Variants in CEP128 observed in about 807,000 individuals in gnomAD.
CEP128 encodes centrosomal protein 128kDa.
Under a neutral mutation model 156.7 loss-of-function variants are expected in CEP128, and 132 were observed. The observed-to-expected ratio is 0.84, with a 90% CI of 0.73 to 0.97. The LOEUF is 0.97. Ranked by LOEUF, CEP128 falls within the 50% of genes least tolerant of loss-of-function variation. The probability of loss-of-function intolerance (pLI) is 0.00; values close to 1 mark genes in which losing one functional copy is unlikely to be tolerated. For missense variants in CEP128, 1,252 were observed against 1,281.9 expected (o/e 0.98, Z 0.36); for synonymous variants, 469 against 448.9 (o/e 1.04, Z -0.57).
chr14:80,951,847 C>T (rs183140588), intron 2 of CEP128, among the ~76,000 whole-genome samples: 2 of 152,006 alleles, frequency 1.3e-5, no homozygotes, highest in East Asian at 3.9e-4. Context: ...GATGGATTGG[C>T]TCTACCAATA....
chr14:80,922,921 T>G (rs1045628288), intron 2 of CEP128, among the ~76,000 whole-genome samples: 1 of 152,174 alleles, frequency 6.6e-6, no homozygotes, highest in Admixed American at 6.5e-5. Context: ...GAAAAAGCAG[T>G]GAACACTCTT....
chr14:80,912,580 T>A (rs1035195801), intron 4 of CEP128, among the ~76,000 whole-genome samples: 1 of 152,112 alleles, frequency 6.6e-6, no homozygotes, highest in Admixed American at 6.5e-5. Flanking sequence ...TGCCCAAATA[T>A]AACAAAGTCT....
intron 19 of CEP128, among the ~76,000 whole-genome samples, chr14:80,698,917 C>G (rs1341692592): frequency 6.6e-6 from 1 of 151,966 alleles, no homozygotes; most frequent in African/African-American, 2.4e-5. Context: ...TTCTAGATTA[C>G]TAGAGTAGCA....
intron 19 of CEP128, among the ~76,000 whole-genome samples, chr14:80,718,376 A>T (rs1053949455): frequency 1.3e-5 from 2 of 152,200 alleles, no homozygotes; most frequent in Non-Finnish European, 2.9e-5. Context: ...CTCAGAGAAA[A>T]ATTTAAACAA....
At chr14:80,904,666 T>C (rs941571828) in intron 6 of CEP128, 147 bp downstream of exon 6, 2 of 574,032 alleles carry the variant, frequency 3.5e-6, no homozygotes, top group Non-Finnish European at 6.3e-6. Flanking sequence ...AGTCGTTTAC[T>C]TGGTTCCAAA....
At chr14:80,700,465 A>C (rs1001989166) in intron 19 of CEP128, among the ~76,000 whole-genome samples, 1 of 152,230 alleles carries the variant, frequency 6.6e-6, no homozygotes, top group Admixed American at 6.5e-5. Context: ...CAAATAGGAA[A>C]GGGGGGATGG....
chr14:80,747,965 A>C (rs1298443347), intron 18 of CEP128, among the ~76,000 whole-genome samples: 2 of 152,250 alleles, frequency 1.3e-5, no homozygotes, highest in African/African-American at 2.4e-5. Flanking sequence ...ACAATTCTGT[A>C]AATACACTAA....
intron 21 of CEP128, among the ~76,000 whole-genome samples, chr14:80,558,010 C>G (rs1170262693): frequency 1.3e-5 from 2 of 151,782 alleles, no homozygotes; most frequent in African/African-American, 4.8e-5. Context: ...TTTTGAAAAC[C>G]TGACTGTTTA....
intron 18 of CEP128, among the ~76,000 whole-genome samples, chr14:80,743,858 T>TTC (rs138602333): frequency 2.7e-5 from 4 of 150,844 alleles, no homozygotes; most frequent in African/African-American, 7.3e-5. Flanking sequence ...CTTTCTTTCT[T>TTC]TCTCTCTCTC....
chr14:80,725,398 G>A (rs545701760), intron 19 of CEP128, among the ~76,000 whole-genome samples: 1 of 151,958 alleles, frequency 6.6e-6, no homozygotes, highest in Non-Finnish European at 1.5e-5. Flanking sequence ...GGCCAGGCCG[G>A]TCTCGAACTC....
intron 21 of CEP128, among the ~76,000 whole-genome samples, chr14:80,534,642 G>A (rs1158895671): frequency 3.3e-5 from 5 of 151,906 alleles, no homozygotes; most frequent in African/African-American, 9.7e-5. Context: ...TGGTGAACAC[G>A]GTGAAACCCC....
rs749181123 is a variant in CEP128, at chr14:80,785,502, G to A, written c.1604C>T (p.Ala535Val). Residue 535 changes from alanine to valine, a missense_variant, in exon 15 of 25, where the codon GCA (alanine) becomes GTA (valine). Ala to Val is a moderately conservative substitution (Grantham distance 64). Coordinates refer to ENST00000555265, the MANE Select transcript of CEP128 (RefSeq NM_152446.5). ...TCGAAGATTCTCTATTTGTTGTAAT[G>A]CTGCATACAGCTGGGTTTTCAATTC... is the stretch of plus-strand genomic sequence containing the variant. ...KDELKTQLYA[A>V]LQQIENLRKE... 9 of 1,612,930 alleles carry A rather than the reference G, an allele frequency of 5.6e-6. No homozygotes were observed. The highest frequency in any genetic ancestry group is 7.6e-6 in the Non-Finnish European group (9 of 1,179,438).
chr14:80,858,419 G>A (rs112036449), intron 9 of CEP128, among the ~76,000 whole-genome samples: 1,314 of 121,136 alleles, frequency 0.011, 8 homozygotes, highest in Non-Finnish European at 0.017. Context: ...AGACTTAAAC[G>A]TTAGACCTAA....
At chr14:80,525,149 G>C (rs2140259486) in intron 23 of CEP128, among the ~76,000 whole-genome samples, 1 of 152,232 alleles carries the variant, frequency 6.6e-6, no homozygotes, top group East Asian at 1.9e-4. Flanking sequence ...TGAACTAAGA[G>C]GCATGTACTA....
At chr14:80,650,533 A>C (rs1027701645) in intron 19 of CEP128, among the ~76,000 whole-genome samples, 1 of 152,202 alleles carries the variant, frequency 6.6e-6, no homozygotes, top group African/African-American at 2.4e-5. Context: ...TTGCCCATTC[A>C]GTACGATATT....
At chr14:80,821,624 C>T (rs1025698207) in intron 13 of CEP128, among the ~76,000 whole-genome samples, 22 of 150,754 alleles carry the variant, frequency 1.5e-4, no homozygotes, top group East Asian at 7.8e-4. Flanking sequence ...CACACACACA[C>T]ACACACACAC....
At chr14:80,672,877 AAAT>A (rs1895900542) in intron 19 of CEP128, among the ~76,000 whole-genome samples, 2 of 152,156 alleles carry the variant, frequency 1.3e-5, no homozygotes, top group Non-Finnish European at 2.9e-5. Flanking sequence ...CATCCCATTA[AAAT>A]TTGTGAAATT....
intron 9 of CEP128, among the ~76,000 whole-genome samples, chr14:80,854,674 A>T (rs1376577101): frequency 6.6e-6 from 1 of 152,196 alleles, no homozygotes; most frequent in Admixed American, 6.5e-5. Flanking sequence ...ATTTCATATG[A>T]TCACATTTAG....
chr14:80,921,922 C>T (rs571691533), intron 2 of CEP128, among the ~76,000 whole-genome samples: 3 of 148,498 alleles, frequency 2.0e-5, no homozygotes, highest in African/African-American at 7.5e-5. Flanking sequence ...AAGATCACGC[C>T]ACTGCACTCC....
Sources: gnomAD v4.1 joint callset for allele counts (sites outside exome capture counted in the v4.1 genomes callset) on GRCh38, gnomAD v4.1.1 for gene constraint, MANE v1.5 for transcripts, NCBI Gene and HGNC (gene_info 2026-07-23, HGNC 2026-07-21) for gene names.